Variants in P4HA1 observed in about 807,000 individuals in gnomAD.
P4HA1 encodes the protein prolyl 4-hydroxylase subunit alpha-1.
Under a neutral mutation model 72.8 loss-of-function variants are expected in P4HA1, and 24 were observed. The observed-to-expected ratio is 0.33, with a 90% confidence interval of 0.24 to 0.46. The LOEUF is 0.46. Ranked by LOEUF, P4HA1 falls within the 20% of genes least tolerant of loss-of-function variation. P4HA1 has a pLI of 1.00. For synonymous variants in P4HA1, 201 were observed against 218.8 expected (o/e 0.92, Z 0.72); for missense variants, 446 against 640.6 (o/e 0.70, Z 3.28).
At chr10:73,009,515 A>G (rs1185554816) in intron 14 of P4HA1, 13 of 262,446 alleles carry the variant, frequency 5.0e-5, no homozygotes, top group Non-Finnish European at 9.8e-5. Context: ...ATTATAATCC[A>G]TTAGTATGTC....
intron 14 of P4HA1, among the ~76,000 whole-genome samples, chr10:73,008,618 C>T (rs1839843780): frequency 6.6e-6 from 1 of 152,128 alleles, no homozygotes; most frequent in South Asian, 2.1e-4. Flanking sequence ...ACCTAAGATA[C>T]AGGTACAGGT....
intron 8 of P4HA1, 45 bp downstream of exon 8, chr10:73,046,880 C>CA: frequency 7.5e-7 from 1 of 1,336,542 alleles, no homozygotes. Context: ...AAAATTGATA[C>CA]AAAGGTACAG....
At position 73,037,549 on chromosome 10, in the gene P4HA1, ATATATATATATATATATATATATT is replaced by A. The variant is rs1232328760; in HGVS notation, c.1149-7203_1149-7180del. On this transcript the variant is annotated intron_variant, in intron 9 of 14. Transcript: ENST00000394890. ...ACTATATATATATATATATATATAT[ATATATATATATATATATATATATT>A]TTTTTTTTTTTTTTTTTACAAAGGC... Among the ~76,000 whole-genome samples the A allele has an allele frequency of 7.2e-4, 21 of 29,324 alleles. 1 individual carries two copies. The highest frequency in any genetic ancestry group is 2.7e-3 in the African/African-American group (20 of 7,328). The allele number at this position is 29,324 out of a possible 152,430, so 19.2% of individuals were successfully genotyped here.
At chr10:73,063,495 ACTT>A (rs757169718) in intron 5 of P4HA1, among the ~76,000 whole-genome samples, 32 of 152,252 alleles carry the variant, frequency 2.1e-4, no homozygotes, top group Non-Finnish European at 4.0e-4. Flanking sequence ...TAAGAAACTA[ACTT>A]CTTAATAGTT....
intron 1 of P4HA1, among the ~76,000 whole-genome samples, chr10:73,076,646 G>T (rs1369248558): frequency 6.6e-6 from 1 of 152,002 alleles, no homozygotes; most frequent in Admixed American, 6.6e-5. Flanking sequence ...CAACAGAAAG[G>T]CTTTACCTCA....
intron 10 of P4HA1, among the ~76,000 whole-genome samples, chr10:73,017,641 TC>T (rs1267712876): frequency 6.6e-6 from 1 of 152,214 alleles, no homozygotes; most frequent in Non-Finnish European, 1.5e-5. Context: ...ACATATTTTT[TC>T]CCTGCTAAAA....
At chr10:73,089,541 T>C (rs1163240631) in intron 1 of P4HA1, among the ~76,000 whole-genome samples, 3 of 152,092 alleles carry the variant, frequency 2.0e-5, no homozygotes, top group Admixed American at 2.0e-4. Flanking sequence ...GCTTTATTCA[T>C]AATAGTCAAA....
chr10:73,064,481 A>AAAAATAAAATAAAG (rs58079579), intron 5 of P4HA1, among the ~76,000 whole-genome samples: 59 of 150,746 alleles, frequency 3.9e-4, no homozygotes, highest in African/African-American at 1.1e-3. Flanking sequence ...CCTGTCTCAA[A>AAAAATAAAATAAAG]AAAATAAAGA....
At chr10:73,070,332 T>G (rs891263095) in intron 4 of P4HA1, among the ~76,000 whole-genome samples, 2 of 151,616 alleles carry the variant, frequency 1.3e-5, no homozygotes, top group Non-Finnish European at 2.9e-5. Flanking sequence ...AACTTTTATA[T>G]TTTTAGTAGA....
At chr10:73,055,350 G>A (rs935544977) in intron 5 of P4HA1, among the ~76,000 whole-genome samples, 3 of 152,124 alleles carry the variant, frequency 2.0e-5, no homozygotes, top group Non-Finnish European at 2.9e-5. Context: ...GATTACAGGC[G>A]TGTGCTACCA....
intron 5 of P4HA1, among the ~76,000 whole-genome samples, chr10:73,063,174 C>T (rs987083526): frequency 1.3e-5 from 2 of 151,922 alleles, no homozygotes; most frequent in African/African-American, 4.8e-5. Context: ...TATAAAAAAA[C>T]AAATTTATTT....
intron 5 of P4HA1, among the ~76,000 whole-genome samples, chr10:73,059,469 C>T (rs1297521795): frequency 1.7e-5 from 2 of 116,600 alleles, no homozygotes; most frequent in Admixed American, 9.7e-5. Flanking sequence ...AAAGGCTGGG[C>T]GCAGTGGCTC....
intron 1 of P4HA1, among the ~76,000 whole-genome samples, chr10:73,087,491 C>T (rs112484156): frequency 0.051 from 7,734 of 152,030 alleles, 609 homozygotes; most frequent in African/African-American, 0.17. Context: ...GTCTTGAACT[C>T]CTGACCTCAG....
At chr10:73,096,725 G>T (rs896026053) in intron 1 of P4HA1, 41 bp downstream of exon 1, 1 of 153,528 alleles carries the variant, frequency 6.5e-6, no homozygotes, top group African/African-American at 2.4e-5. Flanking sequence ...GTCCACGGCT[G>T]CCCAGTGGCC....
chr10:73,031,074 G>T (rs1163753669), intron 9 of P4HA1, among the ~76,000 whole-genome samples: 1 of 152,052 alleles, frequency 6.6e-6, no homozygotes, highest in East Asian at 1.9e-4. Flanking sequence ...ATTTTTTATG[G>T]CATCATTACA....
At chr10:73,018,243 A>T (rs1396873383) in intron 10 of P4HA1, among the ~76,000 whole-genome samples, 1 of 152,104 alleles carries the variant, frequency 6.6e-6, no homozygotes, top group Non-Finnish European at 1.5e-5. Context: ...CACCCAGAAC[A>T]GTCACGTCCC....
At chr10:73,044,054 G>A in intron 9 of P4HA1, 1 of 792,204 alleles carries the variant, frequency 1.3e-6, no homozygotes, top group Non-Finnish European at 2.2e-6. Context: ...TGATTGGAAG[G>A]GTTCAGATTG....
chr10:73,023,808 GAAA>G (rs1229563598), intron 10 of P4HA1, among the ~76,000 whole-genome samples: 2 of 85,196 alleles, frequency 2.3e-5, no homozygotes, highest in African/African-American at 7.1e-5. Context: ...CAAATGGAAA[GAAA>G]AAAAAAAAAA....
intron 5 of P4HA1, among the ~76,000 whole-genome samples, chr10:73,057,287 G>A (rs1488320139): frequency 2.0e-5 from 3 of 151,644 alleles, no homozygotes; most frequent in African/African-American, 7.3e-5. Context: ...TCAGGAGATC[G>A]CGATCATCCT....
Sources: allele counts gnomAD v4.1 joint callset (sites outside exome capture counted in the v4.1 genomes callset), GRCh38; gene constraint gnomAD v4.1.1; transcripts MANE v1.5; gene names NCBI Gene and HGNC (gene_info 2026-07-23, HGNC 2026-07-21).